The following TENM3 variants were observed in gnomAD, a reference collection of about 807,000 sequenced individuals.
The protein encoded by TENM3 is teneurin-3.
A neutral mutation model predicts 255.1 loss-of-function variants in TENM3; 63 were observed. The ratio of observed to expected loss-of-function variants is 0.25; its 90% CI spans 0.20 to 0.30. The LOEUF (loss-of-function observed/expected upper bound fraction) is 0.30, where lower values mean the gene tolerates loss of function less well. Among genes scored for constraint, TENM3 ranks in the 10% least tolerant of loss-of-function variants. TENM3 has a pLI of 1.00. For synonymous variants in TENM3, 1,306 were observed against 1,322.3 expected (o/e 0.99, Z 0.27); for missense variants, 2,929 against 3,461.1 (o/e 0.85, Z 3.86).
the TENM3 span, among the ~76,000 whole-genome samples, chr4:181,590,267 T>C: frequency 2.0e-4 from 31 of 152,280 alleles, no homozygotes; most frequent in Admixed American, 1.1e-3. Context: ...CACAGGCTCC[T>C]GGGAAAAAGC....
the TENM3 span, among the ~76,000 whole-genome samples, chr4:181,761,731 G>C: frequency 6.6e-6 from 1 of 152,076 alleles, no homozygotes. Flanking sequence ...TTCCTATCGA[G>C]TATTCCTAAG....
At chr4:182,380,237 C>G (rs570138921) in intron 3 of TENM3, among the ~76,000 whole-genome samples, 1 of 152,144 alleles carries the variant, frequency 6.6e-6, no homozygotes, top group Non-Finnish European at 1.5e-5. Context: ...TGCCACTGCA[C>G]TCCAGCCTGG....
intron 2 of TENM3, among the ~76,000 whole-genome samples, chr4:182,341,683 A>G (rs1012994408): frequency 2.0e-5 from 3 of 152,238 alleles, no homozygotes; most frequent in Non-Finnish European, 2.9e-5. Flanking sequence ...ATTTAAGATC[A>G]GGTGATTTTA....
At position 182,730,262 on chromosome 4, in the gene TENM3, A is replaced by G; in HGVS notation, c.2648A>G (p.Asn883Ser). ...GATGGAACTCCACTTATTGGAGTAA[A>G]TGTCTCGTTTTTCCATTACCCAGAA... Reference protein sequence around the residue: ...TADGTPLIGVNVSFFHYPEYG... With the variant: ...TADGTPLIGVSVSFFHYPEYG... Residue 883 changes from asparagine (N) to serine (S), a missense_variant, in exon 15 of 28, where the codon AAT becomes AGT. This residue lies in a region of TENM3 where 1,608 missense variants were observed against 1,884.4 expected (regional missense o/e 0.85). Transcript: ENST00000511685. 6.2e-7 allele frequency: 1 copy of G among 1,613,868 alleles called. No individual in the cohort carries two copies. Among genetic ancestry groups the G allele is most frequent in the Non-Finnish European group, 8.5e-7 (1 of 1,179,796 alleles).
At chr4:181,671,289 C>A in the TENM3 span, among the ~76,000 whole-genome samples, 1 of 152,098 alleles carries the variant, frequency 6.6e-6, no homozygotes, top group African/African-American at 2.4e-5. Context: ...ATTAAATACA[C>A]ATAAAGTAAT....
rs140008569 is a variant in TENM3, at chr4:182,721,765, T to C, written c.2369-7200T>C. Among the ~76,000 whole-genome samples, 482 of 152,312 alleles carry C rather than the reference T, an allele frequency of 3.2e-3. 1 individual carries two copies. Among genetic ancestry groups the C allele is most frequent in the African/African-American group, 0.011 (459 of 41,570 alleles). ...AAAATGTTCAACAAAATGAAAAATATCAATTTTGTCTGATGAAAATGACCC... is the reference window on the plus strand; with the variant it reads ...AAAATGTTCAACAAAATGAAAAATACCAATTTTGTCTGATGAAAATGACCC... On this transcript the variant is annotated intron_variant, in intron 13 of 27. Coordinates refer to ENST00000511685, the MANE Select transcript of TENM3 (RefSeq NM_001080477.4).
chr4:181,961,963 T>C, the TENM3 span, among the ~76,000 whole-genome samples: 1 of 152,092 alleles, frequency 6.6e-6, no homozygotes, highest in African/African-American at 2.4e-5. Flanking sequence ...TAGGTGAAAA[T>C]GTTACACTAA....
rs767239323 is a variant in TENM3 at position 182,679,721 on chromosome 4, G to A, written c.1382G>A (p.Ser461Asn). 4 of 1,613,530 alleles carry A rather than the reference G, an allele frequency of 2.5e-6. No homozygotes were observed. The highest frequency in any genetic ancestry group is 1.7e-5 in the Admixed American group (1 of 60,006). ...AGGCTGATTGCCAGAGAGCAGCGGA[G>A]CCTGCTTGAGACGGAGAGAGCCGGG... is the stretch of plus-strand genomic sequence containing the variant. Reference protein sequence around the residue: ...GSRLIAREQRSLLETERAGRQ... With the variant: ...GSRLIAREQRNLLETERAGRQ... The change falls in exon 8 of 28, where the codon AGC (serine) becomes AAC (asparagine). Residue 461 changes from serine (S) to asparagine (N), a missense_variant. This residue lies in a region of TENM3 where 1,608 missense variants were observed against 1,884.4 expected (regional missense o/e 0.85). Transcript: ENST00000511685.
the TENM3 span, among the ~76,000 whole-genome samples, chr4:181,580,004 A>G: frequency 1.0e-5 from 1 of 95,312 alleles, no homozygotes; most frequent in African/African-American, 3.9e-5. Context: ...ATTTTATTTT[A>G]TTTATTTTTT....
chr4:181,989,087 C>T, the TENM3 span, among the ~76,000 whole-genome samples: 24,892 of 152,016 alleles, frequency 0.16, 2,310 homozygotes, highest in Non-Finnish European at 0.22. Flanking sequence ...ATATTTATTG[C>T]GGACCAGTGG....
chr4:182,066,882 G>GC, the TENM3 span, among the ~76,000 whole-genome samples: 1 of 152,282 alleles, frequency 6.6e-6, no homozygotes, highest in East Asian at 1.9e-4. Context: ...CTGCACTCCA[G>GC]CCTGGGCGAC....
chr4:181,838,184 C>A, the TENM3 span, among the ~76,000 whole-genome samples: 1 of 151,718 alleles, frequency 6.6e-6, no homozygotes, highest in Non-Finnish European at 1.5e-5. Context: ...AGAAAGAAAA[C>A]CTTAGAAGCC....
At chr4:182,730,851 C>G in intron 15 of TENM3, 27 bp from the exon 16 acceptor site, 1 of 1,609,572 alleles carries the variant, frequency 6.2e-7, no homozygotes, top group South Asian at 1.1e-5. Context: ...CCAGACAATT[C>G]ACTAAGCATA....
At chr4:181,965,171 G>A in the TENM3 span, among the ~76,000 whole-genome samples, 1 of 152,130 alleles carries the variant, frequency 6.6e-6, no homozygotes, top group Admixed American at 6.5e-5. Context: ...CATAATTAGT[G>A]TGTGCTGTTG....
chr4:182,440,523 T>A (rs538468910), intron 3 of TENM3, among the ~76,000 whole-genome samples: 1 of 152,230 alleles, frequency 6.6e-6, no homozygotes, highest in East Asian at 1.9e-4. Flanking sequence ...TGGGCCTACA[T>A]GTCTAGATCT....
chr4:181,653,750 G>GT, the TENM3 span, among the ~76,000 whole-genome samples: 1 of 150,340 alleles, frequency 6.7e-6, no homozygotes, highest in African/African-American at 2.5e-5. Flanking sequence ...GAACGTGCAG[G>GT]TTTGTTATAT....
chr4:182,528,222 A>G (rs7659498), intron 3 of TENM3, among the ~76,000 whole-genome samples: 39,405 of 151,648 alleles, frequency 0.26, 6,282 homozygotes, highest in South Asian at 0.38. Context: ...GGTTCAAGCA[A>G]CTCTCCTGCC....
At chr4:182,205,600 C>T (rs888037953) in intron 1 of TENM3, among the ~76,000 whole-genome samples, 5 of 152,258 alleles carry the variant, frequency 3.3e-5, no homozygotes, top group Admixed American at 6.5e-5. Context: ...CAAATCACCG[C>T]GCCACATCTG....
chr4:182,276,501 T>C (rs2150245115), intron 1 of TENM3, among the ~76,000 whole-genome samples: 1 of 152,358 alleles, frequency 6.6e-6, no homozygotes, highest in Non-Finnish European at 1.5e-5. Flanking sequence ...TCCAGAGGAC[T>C]TGCGGTGTTA....
Sources: gnomAD v4.1 joint callset for allele counts (sites outside exome capture counted in the v4.1 genomes callset) on GRCh38, gnomAD v4.1.1 for gene constraint, gnomAD v4.1.1 regional missense constraint, MANE v1.5 for transcripts, NCBI Gene and HGNC (gene_info 2026-07-23, HGNC 2026-07-21) for gene names.